The following LARGE1 variants were observed in gnomAD, a reference collection of about 807,000 sequenced individuals.
LARGE1 encodes the protein LARGE xylosyl- and glucuronyltransferase 1.
A neutral mutation model predicts 87.6 loss-of-function variants in LARGE1; 43 were observed. The observed-to-expected ratio is 0.49, with a 90% CI of 0.38 to 0.63. The LOEUF is 0.63. Ranked by LOEUF, LARGE1 falls within the 30% of genes least tolerant of loss-of-function variation. The probability of loss-of-function intolerance (pLI) is 0.00; values close to 1 mark genes in which losing one functional copy is unlikely to be tolerated. For synonymous variants in LARGE1, 434 were observed against 394.6 expected, an observed-to-expected ratio of 1.10 and a Z score of -1.18; for missense variants, 802 against 1,000.2, an observed-to-expected ratio of 0.80 and a Z score of 2.67.
intron 2 of LARGE1, among the ~76,000 whole-genome samples, chr22:33,738,063 G>A (rs1021716401): frequency 2.6e-5 from 4 of 152,144 alleles, no homozygotes; most frequent in African/African-American, 4.8e-5. Context: ...GTGTGGAGGT[G>A]GAGATGACGT....
intron 6 of LARGE1, among the ~76,000 whole-genome samples, chr22:33,490,624 T>C (rs2069796630): frequency 6.6e-6 from 1 of 152,216 alleles, no homozygotes; most frequent in Non-Finnish European, 1.5e-5. Flanking sequence ...CAGATCAATC[T>C]GATAGTGGAT....
Position 33,519,109 on chromosome 22 carries a change from T to TA in LARGE1, c.787+45738dup, listed in dbSNP as rs201866469. 9.4e-4 allele frequency among the ~76,000 whole-genome samples: 143 copies of TA among 151,680 alleles called. 2 individuals carry two copies. The highest frequency in any genetic ancestry group is 2.5e-3 in the South Asian group (12 of 4,812). On this transcript the variant is annotated intron_variant, in intron 6 of 14. Coordinates refer to ENST00000397394, the MANE Select transcript of LARGE1 (RefSeq NM_133642.5). ...CAGAGCACTCTGGCTTTCTGCAGATTAAAAAAAAATCTCATGGATATGCTC... is the reference window on the plus strand; with the variant it reads ...CAGAGCACTCTGGCTTTCTGCAGATTAAAAAAAAAATCTCATGGATATGCTC...
At chr22:33,519,998 C>CTTTTTTTTTT (rs397868082) in intron 6 of LARGE1, among the ~76,000 whole-genome samples, 1 of 97,254 alleles carries the variant, frequency 1.0e-5, no homozygotes, top group Non-Finnish European at 2.0e-5. Flanking sequence ...TGGTTTTTCT[C>CTTTTTTTTTT]TTTTTTTTTT....
At chr22:33,302,362 T>C (rs1934264005) in intron 12 of LARGE1, among the ~76,000 whole-genome samples, 1 of 152,180 alleles carries the variant, frequency 6.6e-6, no homozygotes, top group African/African-American at 2.4e-5. Context: ...TTCAGGGTCA[T>C]GCTGCCTAGG....
chr22:33,653,507 A>AG (rs2080878235), intron 2 of LARGE1, among the ~76,000 whole-genome samples: 1 of 152,172 alleles, frequency 6.6e-6, no homozygotes, highest in South Asian at 2.1e-4. Flanking sequence ...AAATTAACAA[A>AG]TGGGACCTGT....
chr22:33,363,922 G>A (rs531889817), intron 9 of LARGE1, among the ~76,000 whole-genome samples: 2 of 149,654 alleles, frequency 1.3e-5, no homozygotes, highest in African/African-American at 2.5e-5. Context: ...GGGACTGAGC[G>A]GGATGGTGAG....
intron 6 of LARGE1, among the ~76,000 whole-genome samples, chr22:33,485,410 C>T (rs959442817): frequency 6.6e-6 from 1 of 151,868 alleles, no homozygotes; most frequent in East Asian, 1.9e-4. Flanking sequence ...GACCGGGTTT[C>T]ACCATGTTGG....
At chr22:33,312,014 T>C (rs762248531) in intron 11 of LARGE1, among the ~76,000 whole-genome samples, 16 of 152,116 alleles carry the variant, frequency 1.1e-4, no homozygotes, top group Admixed American at 2.6e-4. Flanking sequence ...ATCACAAATA[T>C]TAAGATTCTG....
chr22:33,749,200 C>T (rs1337293417), intron 2 of LARGE1, among the ~76,000 whole-genome samples: 1 of 152,186 alleles, frequency 6.6e-6, no homozygotes, highest in African/African-American at 2.4e-5. Flanking sequence ...CCGCAACCTC[C>T]GCCTCCTGGG....
intron 5 of LARGE1, among the ~76,000 whole-genome samples, chr22:33,586,505 G>C (rs1200403670): frequency 2.0e-5 from 3 of 151,150 alleles, no homozygotes; most frequent in Non-Finnish European, 4.4e-5. Context: ...GCCCAGGCTG[G>C]AGTGCAGTGG....
intron 5 of LARGE1, among the ~76,000 whole-genome samples, chr22:33,574,298 T>C (rs2078288097): frequency 1.3e-5 from 2 of 152,276 alleles, no homozygotes; most frequent in East Asian, 3.9e-4. Flanking sequence ...CCCTATTGCA[T>C]ATAACCTATG....
At chr22:33,868,495 C>A (rs2064175543) in intron 1 of LARGE1, among the ~76,000 whole-genome samples, 1 of 152,032 alleles carries the variant, frequency 6.6e-6, no homozygotes, top group East Asian at 1.9e-4. Context: ...AGGTGATGCT[C>A]CCCACGTGGC....
At chr22:33,795,404 C>G (rs369732842) in intron 1 of LARGE1, among the ~76,000 whole-genome samples, 34 of 152,094 alleles carry the variant, frequency 2.2e-4, no homozygotes, top group African/African-American at 8.0e-4. Context: ...ATTAACGGAT[C>G]TATGTATAAG....
chr22:33,419,834 GC>G lies in LARGE1; in HGVS notation c.892+12326del, dbSNP rs554686874. On this transcript the variant is annotated intron_variant, in intron 7 of 14. Coordinates refer to ENST00000397394, the MANE Select transcript of LARGE1 (RefSeq NM_133642.5). ...GCCTCCCAAATAGCTGGGATTACAG[GC>G]GCCTACCACCATCACACCCAGCTAA... Among the ~76,000 whole-genome samples the G allele has an allele frequency of 6.7e-4, 102 of 152,242 alleles. 1 individual carries two copies. The highest frequency in any genetic ancestry group is 3.4e-3 in the Middle Eastern group (1 of 294).
chr22:33,292,729 C>G (rs1356220971), intron 12 of LARGE1, among the ~76,000 whole-genome samples: 1 of 152,074 alleles, frequency 6.6e-6, no homozygotes, highest in South Asian at 2.1e-4. Flanking sequence ...CTGGGTACCT[C>G]TCGTGGCATG....
chr22:33,274,312 A>T lies in LARGE1; in HGVS notation c.*115T>A. ...GGCAGCTTGGCTGGGCCAAAGAGAT[A>T]AATAAAAACAAACCGAAAAAGCATG... On this transcript the variant is annotated 3_prime_UTR_variant, in exon 15 of 15. Transcript: ENST00000397394. 1 of 1,137,888 alleles carries T rather than the reference A, an allele frequency of 8.8e-7. No individual in the cohort carries two copies. Among genetic ancestry groups the T allele is most frequent in the Non-Finnish European group, 1.3e-6 (1 of 753,702 alleles). The allele number at this position is 1,137,888 out of a possible 1,614,324, so 70.5% of individuals were successfully genotyped here.
chr22:33,422,407 C>T (rs914380873), intron 7 of LARGE1, among the ~76,000 whole-genome samples: 1 of 152,074 alleles, frequency 6.6e-6, no homozygotes, highest in Non-Finnish European at 1.5e-5. Context: ...CTGGGGAGGC[C>T]TCAGGAAGCT....
At chr22:33,844,877 T>C (rs575401214) in intron 1 of LARGE1, among the ~76,000 whole-genome samples, 2 of 151,930 alleles carry the variant, frequency 1.3e-5, no homozygotes, top group Non-Finnish European at 2.9e-5. Flanking sequence ...CGCACCACCA[T>C]GCCTGGCTAA....
At chr22:33,659,479 G>A (rs1198158271) in intron 2 of LARGE1, among the ~76,000 whole-genome samples, 1 of 152,078 alleles carries the variant, frequency 6.6e-6, no homozygotes, top group African/African-American at 2.4e-5. Context: ...TTCTTTTCTA[G>A]GCAGTTTATA....
Sources: allele counts gnomAD v4.1 joint callset (sites outside exome capture counted in the v4.1 genomes callset), GRCh38; gene constraint gnomAD v4.1.1; transcripts MANE v1.5; gene names NCBI Gene and HGNC (gene_info 2026-07-23, HGNC 2026-07-21).